The following CLVS1 variants were observed in gnomAD, a reference collection of about 807,000 sequenced individuals.
The protein encoded by CLVS1 is clavesin-1.
In CLVS1, 10 loss-of-function variants were observed where a neutral mutation model predicts 33.1. That is an observed-to-expected ratio of 0.30 (90% CI 0.19 to 0.51). The LOEUF is 0.51. Among genes scored for constraint, CLVS1 ranks in the 20% least tolerant of loss-of-function variants. The pLI is 0.97. For missense variants in CLVS1, 343 were observed against 433.4 expected, an observed-to-expected ratio of 0.79 and a Z score of 1.85; for synonymous variants, 163 against 166.1, an observed-to-expected ratio of 0.98 and a Z score of 0.14.
At chr8:61,037,412 C>A in the CLVS1 span, among the ~76,000 whole-genome samples, 1 of 152,176 alleles carries the variant, frequency 6.6e-6, no homozygotes. Context: ...GCTTATTTTG[C>A]TTAGCATAAT....
intron 1 of CLVS1, among the ~76,000 whole-genome samples, chr8:61,061,069 T>C (rs7827374): frequency 0.012 from 1,814 of 152,314 alleles, 33 homozygotes; most frequent in African/African-American, 0.042. Flanking sequence ...CCTGCCTCTT[T>C]ATATTCAAGC....
At chr8:60,982,163 GTAAT>G in the CLVS1 span, among the ~76,000 whole-genome samples, 2 of 152,186 alleles carry the variant, frequency 1.3e-5, no homozygotes, top group South Asian at 4.1e-4. Context: ...AGTGAACAAA[GTAAT>G]TAAATCAAGC....
intron 2 of CLVS1, among the ~76,000 whole-genome samples, chr8:61,368,998 C>T (rs551857159): frequency 6.6e-6 from 1 of 151,784 alleles, no homozygotes; most frequent in South Asian, 2.1e-4. Flanking sequence ...TTCTTTTCTT[C>T]TCCCTCTCCC....
intron 3 of CLVS1, among the ~76,000 whole-genome samples, chr8:61,431,194 AC>A (rs888634832): frequency 1.3e-5 from 2 of 152,136 alleles, no homozygotes; most frequent in Admixed American, 6.5e-5. Flanking sequence ...ATTTTCTAGA[AC>A]TTTTTTTTTC....
At position 61,412,564 on chromosome 8, in the gene CLVS1, CCTTA is replaced by C. The variant is rs1278185777; in HGVS notation, c.630+35789_630+35792del. On this transcript the variant is annotated intron_variant, in intron 3 of 5. Transcript: ENST00000325897. ...GCATTCCATGGCATTCAAGAATCTT[CCTTA>C]CTTGTGCACAGCTCACGTGCTCTCA... Among the ~76,000 whole-genome samples the C allele has an allele frequency of 4.6e-5, 7 of 152,200 alleles. No individual in the cohort carries two copies. In the East Asian group the frequency reaches 1.3e-3, roughly 29 times the overall value.
chr8:61,194,430 T>C (rs929992351), intron 2 of CLVS1, among the ~76,000 whole-genome samples: 2 of 152,062 alleles, frequency 1.3e-5, no homozygotes, highest in African/African-American at 4.8e-5. Flanking sequence ...TAATGGCTGA[T>C]ATATCAATGT....
In CLVS1 at chr8:61,266,171, C is replaced by T. The variant is rs561399544; in HGVS notation, c.-151-33506C>T. ...TGAGAAATCCCTTTACCCTTTGTGT[C>T]CTGGGAAACAGCTTACTTTAAAAGA... On this transcript the variant is annotated intron_variant, in intron 2 of 2. Transcript: ENST00000522621. Among the ~76,000 whole-genome samples, 28 of 152,250 alleles carry T rather than the reference C, an allele frequency of 1.8e-4. No homozygotes were observed. The East Asian group carries it at 3.7e-3, about 20-fold the overall frequency.
chr8:61,388,604 A>T (rs897294346), intron 3 of CLVS1, among the ~76,000 whole-genome samples: 42 of 151,962 alleles, frequency 2.8e-4, no homozygotes, highest in African/African-American at 9.6e-4. Context: ...TGCGCACTTC[A>T]TTCTTTTTTT....
At chr8:61,181,920 C>T (rs1004677738) in intron 2 of CLVS1, among the ~76,000 whole-genome samples, 5 of 151,954 alleles carry the variant, frequency 3.3e-5, no homozygotes, top group African/African-American at 9.7e-5. Context: ...CCAGGATGGT[C>T]TCGATCTCCT....
intron 1 of CLVS1, among the ~76,000 whole-genome samples, chr8:61,291,746 G>A (rs1261992659): frequency 6.6e-6 from 1 of 151,874 alleles, no homozygotes; most frequent in Non-Finnish European, 1.5e-5. Flanking sequence ...GATATATAGA[G>A]CATGCAAACA....
At chr8:61,334,715 G>A (rs1811726136) in intron 2 of CLVS1, among the ~76,000 whole-genome samples, 1 of 152,128 alleles carries the variant, frequency 6.6e-6, no homozygotes, top group Admixed American at 6.5e-5. Flanking sequence ...GAGGGGAGGG[G>A]TGGGCAGCTG....
chr8:61,354,496 TA>T, intron 2 of CLVS1, among the ~76,000 whole-genome samples: 1 of 152,106 alleles, frequency 6.6e-6, no homozygotes, highest in East Asian at 1.9e-4. Flanking sequence ...CTCAGATAAA[TA>T]AAAACCTATA....
intron 2 of CLVS1, among the ~76,000 whole-genome samples, chr8:61,367,019 T>C (rs1813237196): frequency 6.6e-6 from 1 of 152,160 alleles, no homozygotes; most frequent in Admixed American, 6.5e-5. Flanking sequence ...CCTTCAGTCC[T>C]TCCTCTCTTC....
At chr8:61,101,009 T>TA (rs1251035539) in intron 1 of CLVS1, among the ~76,000 whole-genome samples, 1 of 152,248 alleles carries the variant, frequency 6.6e-6, no homozygotes, top group Non-Finnish European at 1.5e-5. Flanking sequence ...CATTTTTTAC[T>TA]ATTATGAATA....
At chr8:61,486,482 C>T (rs1312341388) in intron 5 of CLVS1, among the ~76,000 whole-genome samples, 1 of 152,110 alleles carries the variant, frequency 6.6e-6, no homozygotes, top group Non-Finnish European at 1.5e-5. Context: ...TTGAAATTAA[C>T]CTTTAATTTG....
At chr8:61,240,012 T>C (rs1808658331) in intron 2 of CLVS1, among the ~76,000 whole-genome samples, 1 of 152,166 alleles carries the variant, frequency 6.6e-6, no homozygotes, top group African/African-American at 2.4e-5. Flanking sequence ...AGTAAGCCAC[T>C]AGACGAACTC....
At chr8:61,485,200 C>CA (rs1220454591) in intron 5 of CLVS1, among the ~76,000 whole-genome samples, 2 of 152,094 alleles carry the variant, frequency 1.3e-5, no homozygotes, top group Non-Finnish European at 2.9e-5. Flanking sequence ...ACTCATCTGA[C>CA]AAAAGGCTAA....
chr8:61,450,487 T>A (rs1816912047), intron 3 of CLVS1, among the ~76,000 whole-genome samples: 1 of 152,070 alleles, frequency 6.6e-6, no homozygotes, highest in Admixed American at 6.6e-5. Context: ...GGGATAAAAA[T>A]CACAGAGGGC....
chr8:61,068,104 C>A (rs1228601866), intron 1 of CLVS1, among the ~76,000 whole-genome samples: 3 of 150,910 alleles, frequency 2.0e-5, no homozygotes, highest in Non-Finnish European at 4.4e-5. Context: ...CCCAGAAGAT[C>A]GAGGCTGCAC....
Sources: allele counts gnomAD v4.1 joint callset (sites outside exome capture counted in the v4.1 genomes callset), GRCh38; gene constraint gnomAD v4.1.1; transcripts MANE v1.5; gene names NCBI Gene and HGNC (gene_info 2026-07-23, HGNC 2026-07-21).